Variants in GRAMD2A observed in about 807,000 individuals in gnomAD.
GRAMD2A encodes GRAM domain containing 2A.
A neutral mutation model predicts 51.1 loss-of-function variants in GRAMD2A; 37 were observed. The observed-to-expected ratio is 0.72, with a 90% CI of 0.56 to 0.95. The LOEUF is 0.95. Ranked by LOEUF, GRAMD2A falls within the 40% of genes least tolerant of loss-of-function variation. GRAMD2A has a pLI of 0.00. For missense variants in GRAMD2A, 414 were observed against 426.9 expected (o/e 0.97, Z 0.27); for synonymous variants, 136 against 157.1 (o/e 0.87, Z 1.01).
Position 72,167,823 on chromosome 15 carries a change from G to T in GRAMD2A, c.285C>A (p.Leu95=), listed in dbSNP as rs2081565037. 2 of 1,613,666 alleles carry T rather than the reference G, an allele frequency of 1.2e-6. No homozygotes were observed. The highest frequency in any genetic ancestry group is 1.7e-5 in the Admixed American group (1 of 60,016). ...EVVLKVCSCA[L]QRDFLLQGRL... ...GGCCCTGGAGGAGGAAGTCCCTCTG[G>T]AGGGCACAGGAACACACTAGGATGT... Residue 95 remains leucine, a synonymous_variant, in exon 5 of 12, where the codon CTC becomes CTA. Transcript: ENST00000309731.
chr15:72,173,043 G>A (rs2081625478), intron 1 of GRAMD2A, among the ~76,000 whole-genome samples: 1 of 152,148 alleles, frequency 6.6e-6, no homozygotes, highest in Non-Finnish European at 1.5e-5. Flanking sequence ...CCAGACTGAA[G>A]GATGGATGAG....
In GRAMD2A at chr15:72,166,766, AG is replaced by A; in HGVS notation, c.472-64del. 6.9e-7 allele frequency: 1 copy of A among 1,442,072 alleles called. No individual in the cohort carries two copies. The highest frequency in any genetic ancestry group is 9.7e-7 in the Non-Finnish European group (1 of 1,029,410). 89.3% of individuals were successfully genotyped at this position (1,442,072 alleles called of 1,614,324 possible). On this transcript the variant is annotated intron_variant, in intron 6 of 11. Transcript: ENST00000309731. This position sits in a 1 kb window ranked among gnomAD's most constrained non-coding sequence, Gnocchi z 4.1. Reference sequence around the variant, plus strand: ...GATGAGACTCCTTGCTGTGCCAGCCAGCCCCCTTGTGGATTGGGCACAGGCC... The same window carrying A: ...GATGAGACTCCTTGCTGTGCCAGCCACCCCCTTGTGGATTGGGCACAGGCC...
rs2081565128 is a variant in GRAMD2A at position 72,167,836 on chromosome 15, C to T, written c.272G>A (p.Cys91Tyr). The change falls in exon 5 of 12, where the codon TGT becomes TAT. Residue 91 changes from cysteine to tyrosine, a missense_variant. Coordinates refer to ENST00000309731, the MANE Select transcript of GRAMD2A (RefSeq NM_001012642.3). Reference sequence around the variant, plus strand: ...GAAGTCCCTCTGGAGGGCACAGGAACACACTAGGATGTCACAGGAGAGAAA... The same window carrying T: ...GAAGTCCCTCTGGAGGGCACAGGAATACACTAGGATGTCACAGGAGAGAAA... ...VPLEEVVLKVCSCALQRDFLL... is the reference protein window; with the variant it reads ...VPLEEVVLKVYSCALQRDFLL... 1 of 1,611,306 alleles carries T rather than the reference C, an allele frequency of 6.2e-7. No homozygotes were observed. Among genetic ancestry groups the T allele is most frequent in the Non-Finnish European group, 8.5e-7 (1 of 1,177,608 alleles).
intron 1 of GRAMD2A, chr15:72,176,427 AC>A (rs976728656): frequency 9.8e-5 from 15 of 152,306 alleles, no homozygotes; most frequent in African/African-American, 3.4e-4. Context: ...CTTCTTGTGG[AC>A]CCTGTGGGTC....
intron 1 of GRAMD2A, among the ~76,000 whole-genome samples, chr15:72,176,854 CTTTTT>C (rs60618044): frequency 1.4e-5 from 1 of 72,168 alleles, no homozygotes. Flanking sequence ...ACCTGCAGTG[CTTTTT>C]TTTTTTTTTT....
At position 72,188,638 on chromosome 15, in the gene GRAMD2A, G is replaced by GT. The variant is rs1309132390; in HGVS notation, c.41+9092dup. Among the ~76,000 whole-genome samples, 4 of 151,942 alleles carry GT rather than the reference G, an allele frequency of 2.6e-5. No homozygotes were observed. In the South Asian group the frequency reaches 6.2e-4, roughly 24 times the overall value. On this transcript the variant is annotated intron_variant, in intron 1 of 11. Coordinates refer to ENST00000309731, the MANE Select transcript of GRAMD2A (RefSeq NM_001012642.3). Reference sequence around the variant, plus strand: ...CCTCCACGAATTGGGATTTTTACATGTTTTTTTGTTTTCTTTATACTTTTC... The same window carrying GT: ...CCTCCACGAATTGGGATTTTTACATGTTTTTTTTGTTTTCTTTATACTTTTC...
chr15:72,181,974 G>T (rs2081699921), intron 1 of GRAMD2A, among the ~76,000 whole-genome samples: 1 of 152,098 alleles, frequency 6.6e-6, no homozygotes, highest in Non-Finnish European at 1.5e-5. Context: ...AGACTTAGGG[G>T]GAAATAAAAG....
chr15:72,197,220 C>T (rs2959901), intron 1 of GRAMD2A, among the ~76,000 whole-genome samples: 2,495 of 152,294 alleles, frequency 0.016, 76 homozygotes, highest in African/African-American at 0.055. Context: ...GAGACAGCTC[C>T]GAGCTGCCTC....
At chr15:72,190,100 G>T (rs2081757635) in intron 1 of GRAMD2A, among the ~76,000 whole-genome samples, 1 of 152,160 alleles carries the variant, frequency 6.6e-6, no homozygotes, top group Non-Finnish European at 1.5e-5. Flanking sequence ...CAATTAGCTG[G>T]GCGTGGTGGC....
chr15:72,163,927 T>C, intron 8 of GRAMD2A, 170 bp from the exon 9 acceptor site: 1 of 619,538 alleles, frequency 1.6e-6, no homozygotes, highest in Non-Finnish European at 2.7e-6. Context: ...AGCAACCATA[T>C]GCCTCTCCTC....
intron 1 of GRAMD2A, among the ~76,000 whole-genome samples, chr15:72,182,020 T>G (rs1310109686): frequency 6.6e-6 from 1 of 152,044 alleles, no homozygotes; most frequent in Non-Finnish European, 1.5e-5. Context: ...AAACTGAATA[T>G]CCACATGGAA....
At chr15:72,193,934 C>A (rs1327915670) in intron 1 of GRAMD2A, among the ~76,000 whole-genome samples, 11 of 152,252 alleles carry the variant, frequency 7.2e-5, no homozygotes, top group African/African-American at 2.7e-4. Context: ...CTTTTGGAAT[C>A]TGTGCCGGAG....
At position 72,168,475 on chromosome 15, in the gene GRAMD2A, C is replaced by G. The variant is rs765265525; in HGVS notation, c.268+16G>C. 2.5e-6 allele frequency: 4 copies of G among 1,605,896 alleles called. No individual in the cohort carries two copies. Among genetic ancestry groups the G allele is most frequent in the Non-Finnish European group, 3.4e-6 (4 of 1,173,028 alleles). ...CACTCTGGGTGCCTAACCAGCTATA[C>G]CGGGAGACAGCTCACCTTTGAGAAC... On this transcript the variant is annotated intron_variant, in intron 4 of 11. Transcript: ENST00000309731.
intron 1 of GRAMD2A, among the ~76,000 whole-genome samples, chr15:72,178,768 G>T (rs553915585): frequency 6.6e-6 from 1 of 151,724 alleles, no homozygotes; most frequent in South Asian, 2.1e-4. Flanking sequence ...TAGAGAAGGG[G>T]TTTCACCGTG....
At chr15:72,188,637 TG>T (rs2081749112) in intron 1 of GRAMD2A, among the ~76,000 whole-genome samples, 4 of 152,124 alleles carry the variant, frequency 2.6e-5, no homozygotes, top group South Asian at 4.1e-4. Flanking sequence ...GATTTTTACA[TG>T]TTTTTTTGTT....
At chr15:72,179,698 G>A (rs1222855544) in intron 1 of GRAMD2A, among the ~76,000 whole-genome samples, 1 of 152,200 alleles carries the variant, frequency 6.6e-6, no homozygotes, top group African/African-American at 2.4e-5. Flanking sequence ...GACTCAGTCT[G>A]GGGTGGGGCT....
chr15:72,172,158 G>A (rs1047101582), intron 1 of GRAMD2A, among the ~76,000 whole-genome samples: 2 of 151,622 alleles, frequency 1.3e-5, no homozygotes, highest in Non-Finnish European at 2.9e-5. Context: ...TCACTCTGTC[G>A]CCCAGGCTAC....
At chr15:72,192,944 C>T (rs2081778446) in intron 1 of GRAMD2A, among the ~76,000 whole-genome samples, 1 of 151,908 alleles carries the variant, frequency 6.6e-6, no homozygotes, top group Non-Finnish European at 1.5e-5. Flanking sequence ...GACCAACATG[C>T]AGAAACCCCA....
intron 1 of GRAMD2A, among the ~76,000 whole-genome samples, chr15:72,178,808 T>C (rs1449449362): frequency 6.6e-6 from 1 of 151,872 alleles, no homozygotes; most frequent in Non-Finnish European, 1.5e-5. Flanking sequence ...TCTCCTGACC[T>C]TGTGATCCGC....
Sources: allele counts gnomAD v4.1 joint callset (sites outside exome capture counted in the v4.1 genomes callset), GRCh38; gene constraint gnomAD v4.1.1; non-coding constraint Gnocchi (gnomAD v3.1); transcripts MANE v1.5; gene names NCBI Gene and HGNC (gene_info 2026-07-23, HGNC 2026-07-21).